The following AVL9 variants were observed in gnomAD, a reference collection of about 807,000 sequenced individuals.
AVL9 encodes AVL9 cell migration associated, also known as late secretory pathway protein AVL9 homolog.
In AVL9, 49 loss-of-function variants were observed where a neutral mutation model predicts 79.2. That is an observed-to-expected ratio of 0.62 (90% CI 0.49 to 0.79). AVL9 has a LOEUF of 0.79. Ranked by LOEUF, AVL9 falls within the 30% of genes least tolerant of loss-of-function variation. The pLI is 0.00. For synonymous variants in AVL9, 299 were observed against 280.6 expected, an observed-to-expected ratio of 1.07 and a Z score of -0.65; for missense variants, 682 against 776.8, an observed-to-expected ratio of 0.88 and a Z score of 1.45.
intron 3 of AVL9, among the ~76,000 whole-genome samples, chr7:32,546,269 C>T (rs1331586308): frequency 6.6e-6 from 1 of 151,944 alleles, no homozygotes. Context: ...TACCTGTGTA[C>T]CCATCACCTA....
chr7:32,514,002 A>T (rs1425541024), intron 1 of AVL9, among the ~76,000 whole-genome samples: 3 of 152,204 alleles, frequency 2.0e-5, no homozygotes. Flanking sequence ...TGCCACCATG[A>T]TGTCTCACCT....
At position 32,542,121 on chromosome 7, in the gene AVL9, G is replaced by A. The variant is rs1354918296; in HGVS notation, c.94-1020G>A. ...AAAACGTTGATTGCTTCTGGAGATG[G>A]GAGCAGGGACTGGGTAGCTGGGGTG... On this transcript the variant is annotated intron_variant, in intron 1 of 15. Coordinates refer to ENST00000318709, the MANE Select transcript of AVL9 (RefSeq NM_015060.3). 5.3e-5 allele frequency among the ~76,000 whole-genome samples: 8 copies of A among 151,716 alleles called. No individual in the cohort carries two copies. The South Asian group carries it at 1.2e-3, about 24-fold the overall frequency.
intron 1 of AVL9, among the ~76,000 whole-genome samples, chr7:32,504,471 G>A (rs929773173): frequency 2.0e-5 from 3 of 152,040 alleles, no homozygotes; most frequent in African/African-American, 7.2e-5. Context: ...TTACAGCTCT[G>A]ATAAATTCTC....
intron 1 of AVL9, among the ~76,000 whole-genome samples, chr7:32,502,926 C>T (rs1413833079): frequency 2.6e-5 from 4 of 152,118 alleles, no homozygotes; most frequent in South Asian, 2.1e-4. Flanking sequence ...TGGTGTTTTC[C>T]GCTTCCCTTT....
chr7:32,498,127 A>C (rs1786941459), intron 1 of AVL9, among the ~76,000 whole-genome samples: 1 of 152,222 alleles, frequency 6.6e-6, no homozygotes, highest in Admixed American at 6.5e-5. Flanking sequence ...CATGGACCTC[A>C]AAGTAAAAGC....
intron 4 of AVL9, 29 bp downstream of exon 4, chr7:32,548,947 G>C: frequency 6.9e-7 from 1 of 1,451,168 alleles, no homozygotes; most frequent in South Asian, 1.4e-5. Context: ...TGTTCATTAT[G>C]TTAAACCTTC....
At chr7:32,562,005 C>T (rs145450067) in intron 10 of AVL9, among the ~76,000 whole-genome samples, 29 of 152,208 alleles carry the variant, frequency 1.9e-4, no homozygotes, top group African/African-American at 5.1e-4. Flanking sequence ...TCTATGTGGG[C>T]GTGGTTCGTG....
At chr7:32,553,224 T>C (rs1789912147) in intron 6 of AVL9, among the ~76,000 whole-genome samples, 1 of 148,630 alleles carries the variant, frequency 6.7e-6, no homozygotes, top group Non-Finnish European at 1.5e-5. Context: ...TGATAGACTG[T>C]GTTTCAGAAA....
intron 1 of AVL9, among the ~76,000 whole-genome samples, chr7:32,508,678 C>A (rs7781196): frequency 0.017 from 2,627 of 152,234 alleles, 33 homozygotes; most frequent in African/African-American, 0.033. Context: ...AGGTAGAAAT[C>A]ATTACTTACT....
chr7:32,548,144 C>CTCTCTTTTTTTTTTTTTTTTTTTTTTTT (rs1227025763), intron 3 of AVL9, among the ~76,000 whole-genome samples: 1 of 57,598 alleles, frequency 1.7e-5, no homozygotes, highest in African/African-American at 5.4e-5. Context: ...TTTGTCATCT[C>CTCTCTTTTTTTTTTTTTTTTTTTTTTTT]TTTTTTCTTT....
intron 2 of AVL9, 83 bp downstream of exon 2, chr7:32,543,344 T>C: frequency 6.7e-7 from 1 of 1,494,110 alleles, no homozygotes. Flanking sequence ...TACTTAGAAA[T>C]TAAAGGCCTT....
intron 1 of AVL9, among the ~76,000 whole-genome samples, chr7:32,539,991 A>C (rs950524160): frequency 2.0e-5 from 3 of 152,228 alleles, no homozygotes; most frequent in Admixed American, 6.5e-5. Context: ...ATCCTTAATC[A>C]TATCTGCAAA....
At chr7:32,554,660 T>G in intron 8 of AVL9, 64 bp downstream of exon 8, 1 of 1,175,386 alleles carries the variant, frequency 8.5e-7, no homozygotes, top group Admixed American at 2.6e-5. Flanking sequence ...TTTTTTACAT[T>G]ATTTCATAAA....
intron 12 of AVL9, among the ~76,000 whole-genome samples, chr7:32,574,963 G>A (rs1791020658): frequency 1.3e-5 from 2 of 152,078 alleles, no homozygotes; most frequent in Non-Finnish European, 2.9e-5. Context: ...TGAAGTAATA[G>A]CCATTTGTAT....
chr7:32,565,630 A>C (rs1790529793), intron 10 of AVL9, among the ~76,000 whole-genome samples: 1 of 152,088 alleles, frequency 6.6e-6, no homozygotes. Context: ...TAAAACAGCC[A>C]AGGCAGAAGA....
intron 10 of AVL9, among the ~76,000 whole-genome samples, chr7:32,564,981 A>G (rs1268136142): frequency 6.6e-6 from 1 of 152,234 alleles, no homozygotes; most frequent in Non-Finnish European, 1.5e-5. Context: ...AGGAAGATAC[A>G]GTAGCTATTT....
chr7:32,497,085 G>A (rs1786858385), intron 1 of AVL9, among the ~76,000 whole-genome samples: 2 of 150,368 alleles, frequency 1.3e-5, no homozygotes, highest in East Asian at 3.9e-4. Context: ...GGGTGAGAGA[G>A]CAAGACCCTG....
intron 1 of AVL9, among the ~76,000 whole-genome samples, chr7:32,507,337 G>A (rs1787454397): frequency 1.3e-5 from 2 of 152,182 alleles, no homozygotes; most frequent in African/African-American, 4.8e-5. Context: ...GATCACAATT[G>A]TGTGTAATTA....
chr7:32,557,851 CTCTTT>C (rs1160835536), intron 8 of AVL9, among the ~76,000 whole-genome samples: 50 of 64,246 alleles, frequency 7.8e-4, no homozygotes, highest in African/African-American at 2.7e-3. Context: ...TTAGCTGTTA[CTCTTT>C]TTTTTTTTTT....
Sources: allele counts gnomAD v4.1 joint callset (sites outside exome capture counted in the v4.1 genomes callset), GRCh38; gene constraint gnomAD v4.1.1; transcripts MANE v1.5; gene names NCBI Gene and HGNC (gene_info 2026-07-23, HGNC 2026-07-21).